ISY1: variants seen among roughly 807,000 people sequenced by gnomAD.
ISY1 encodes the protein pre-mRNA-splicing factor ISY1 homolog.
A neutral mutation model predicts 54.4 loss-of-function variants in ISY1; 12 were observed. The observed-to-expected ratio is 0.22, with a 90% confidence interval of 0.14 to 0.36. ISY1 has a LOEUF of 0.36. ISY1 is among the 10% of genes least tolerant of loss of function. The probability of loss-of-function intolerance (pLI) is 1.00; values close to 1 mark genes in which losing one functional copy is unlikely to be tolerated. For synonymous variants in ISY1, 96 were observed against 117.9 expected, an observed-to-expected ratio of 0.81 and a Z score of 1.20; for missense variants, 282 against 342.2, an observed-to-expected ratio of 0.82 and a Z score of 1.39.
In ISY1 at chr3:129,130,559, C is replaced by T; in HGVS notation, c.741G>A (p.Ser247=). 3 of 1,614,066 alleles carry T rather than the reference C, an allele frequency of 1.9e-6. No individual in the cohort carries two copies. Among genetic ancestry groups the T allele is most frequent in the Admixed American group, 1.7e-5 (1 of 59,996 alleles). Residue 247 remains serine (S), a synonymous_variant, in exon 10 of 11, where the codon TCG becomes TCA. Coordinates refer to ENST00000393295, the MANE Select transcript of ISY1 (RefSeq NM_020701.4). ...QKFIAHVPVP[S]QQEIEEALVR... The stretch of plus-strand genomic sequence containing the variant: ...TTAGCTGTGGTCCTACCTCTTGCTG[C>T]GAGGGAACAGGGACGTGAGCAATGA...
rs116044526 is a variant in ISY1, at chr3:129,160,747, G to T, written c.3+226C>A. ...TCAGGTTAACCTAAAGAGCTTCATC[G>T]GGATTAAGACACTGTCCAGGACAGT... On this transcript the variant is annotated intron_variant, in intron 1 of 10. Coordinates refer to ENST00000393295, the MANE Select transcript of ISY1 (RefSeq NM_020701.4). 1.7e-3 allele frequency among the ~76,000 whole-genome samples: 258 copies of T among 152,274 alleles called. 2 individuals carry two copies. The highest frequency in any genetic ancestry group is 6.0e-3 in the African/African-American group (250 of 41,546).
chr3:129,150,339 A>G (rs763023591), intron 5 of ISY1, among the ~76,000 whole-genome samples: 7 of 152,164 alleles, frequency 4.6e-5, no homozygotes, highest in Non-Finnish European at 1.0e-4. Flanking sequence ...CTCCCCATTC[A>G]TTCGGGTCTT....
chr3:129,140,452 T>G lies in ISY1; in HGVS notation c.334A>C (p.Lys112Gln). 1 of 1,613,110 alleles carries G rather than the reference T, an allele frequency of 6.2e-7. No individual in the cohort carries two copies. Residue 112 changes from lysine to glutamine, a missense_variant, in exon 7 of 11, where the codon AAA becomes CAA. By Grantham distance (53) the Lys-to-Gln change is moderately conservative (BLOSUM62 1). Coordinates refer to ENST00000393295, the MANE Select transcript of ISY1 (RefSeq NM_020701.4). ...TAACCTCGGTTTCCTGGGACTTCTT[T>G]TCCTTCATGATCCAGCATTTTAGGG... is the stretch of plus-strand genomic sequence containing the variant. ...VGPKMLDHEG[K>Q]EVPGNRGYKY...
intron 7 of ISY1, among the ~76,000 whole-genome samples, chr3:129,136,869 T>C (rs1936418342): frequency 1.3e-5 from 2 of 148,446 alleles, no homozygotes; most frequent in Non-Finnish European, 3.0e-5. Flanking sequence ...TTGTATTTTC[T>C]TCTTCTTTTT....
chr3:129,149,610 A>AAATATATAT (rs1936884507), intron 5 of ISY1, among the ~76,000 whole-genome samples: 1 of 24,628 alleles, frequency 4.1e-5, no homozygotes, highest in African/African-American at 1.2e-4. Flanking sequence ...AAAAAAAAAA[A>AAATATATAT]ATATATATAT....
chr3:129,142,943 T>TGAA (rs753669562), intron 6 of ISY1, among the ~76,000 whole-genome samples: 52 of 152,138 alleles, frequency 3.4e-4, no homozygotes, highest in Admixed American at 4.6e-4. Flanking sequence ...TAATCCCAGC[T>TGAA]ACTCTGGAGG....
intron 9 of ISY1, among the ~76,000 whole-genome samples, chr3:129,133,285 G>C (rs751493658): frequency 2.0e-5 from 3 of 152,158 alleles, no homozygotes; most frequent in Non-Finnish European, 4.4e-5. Flanking sequence ...CTATAAATCA[G>C]AAAATATGCA....
chr3:129,134,193 T>C lies in ISY1; in HGVS notation c.544A>G (p.Arg182Gly). The change falls in exon 9 of 11, where the codon AGA becomes GGA. Residue 182 changes from arginine (R) to glycine (G), a missense_variant and splice_region_variant. Transcript: ENST00000393295. Reference protein sequence around the residue: ...PLEQEYEKKLRAELVEKWKAE... With the variant: ...PLEQEYEKKLGAELVEKWKAE... ...TTCCACTTTTCCACTAACTCGGCTC[T>C]GACTGAACACAAGAGAGGGTAGGTG... The C allele has an allele frequency of 2.5e-6, 4 of 1,614,202 alleles. No homozygotes were observed. Among genetic ancestry groups the C allele is most frequent in the Non-Finnish European group, 3.4e-6 (4 of 1,180,038 alleles).
chr3:129,130,016 G>C lies in ISY1; in HGVS notation c.*65C>G. The C allele has an allele frequency of 7.7e-7, 1 of 1,293,530 alleles. No individual in the cohort carries two copies. The highest frequency in any genetic ancestry group is 1.5e-5 in the South Asian group (1 of 67,024). The allele number at this position is 1,293,530 out of a possible 1,614,324, so 80.1% of individuals were successfully genotyped here. A position where few individuals can be genotyped will look rare whatever the true frequency, so the allele number is the denominator to read the frequency against. The stretch of plus-strand genomic sequence containing the variant: ...GCCCTTGCAGCACCAGCCTGTGTCT[G>C]CAGCCCTGGGTCCTGAGGTACCACT... On this transcript the variant is annotated 3_prime_UTR_variant, in exon 11 of 11. Transcript: ENST00000393295.
chr3:129,158,198 G>T (rs1263217247), intron 3 of ISY1, among the ~76,000 whole-genome samples: 1 of 146,590 alleles, frequency 6.8e-6, no homozygotes, highest in Non-Finnish European at 1.5e-5. Context: ...GTGTCACCCA[G>T]GCTGGAGTGC....
At position 129,134,812 on chromosome 3, in the gene ISY1, T is replaced by A; in HGVS notation, c.541+20A>T. 6.3e-7 allele frequency: 1 copy of A among 1,593,284 alleles called. No homozygotes were observed. Among genetic ancestry groups the A allele is most frequent in the East Asian group, 2.3e-5 (1 of 43,882 alleles). On this transcript the variant is annotated intron_variant, in intron 8 of 10. Transcript: ENST00000393295. ...AAAACAGATGCCATCTATTATGAAA[T>A]AAAATGCCCAGAGACCTACGTTTCT...
intron 10 of ISY1, 138 bp from the exon 11 acceptor site, chr3:129,130,326 C>T: frequency 7.7e-7 from 1 of 1,301,770 alleles, no homozygotes; most frequent in Non-Finnish European, 1.0e-6. Flanking sequence ...TCCAAGAGTC[C>T]TAACTCCCTC....
rs1172990223 is a variant in ISY1, at chr3:129,129,571, T to C, written c.*510A>G. The C allele has an allele frequency of 6.6e-6, 1 of 152,192 alleles. No homozygotes were observed. Among genetic ancestry groups the C allele is most frequent in the African/African-American group, 2.4e-5 (1 of 41,408 alleles). The allele number at this position is 152,192 out of a possible 1,614,324, so 9.4% of individuals were successfully genotyped here. A position where few individuals can be genotyped will look rare whatever the true frequency, so the allele number is the denominator to read the frequency against. On this transcript the variant is annotated 3_prime_UTR_variant, in exon 11 of 11. Transcript: ENST00000393295. ...TTGTATTTTTAGTAGACATGGGGTT[T>C]CACCATGTTGGCCAGGATGGTCTCC...
intron 5 of ISY1, among the ~76,000 whole-genome samples, chr3:129,156,213 A>G (rs1937134402): frequency 6.6e-6 from 1 of 151,890 alleles, no homozygotes; most frequent in Non-Finnish European, 1.5e-5. Flanking sequence ...CCTGGCTAAC[A>G]TGGTGAAACC....
At chr3:129,160,193 T>C in intron 1 of ISY1, among the ~76,000 whole-genome samples, 1 of 152,160 alleles carries the variant, frequency 6.6e-6, no homozygotes, top group Admixed American at 6.5e-5. Flanking sequence ...CTCTTTTTCT[T>C]GGGAGCTTGT....
chr3:129,157,241 T>C (rs1359905359), intron 3 of ISY1, among the ~76,000 whole-genome samples: 1 of 151,918 alleles, frequency 6.6e-6, no homozygotes, highest in Non-Finnish European at 1.5e-5. Flanking sequence ...CAAACATACA[T>C]AAATATGGGT....
chr3:129,134,095 G>A lies in ISY1; in HGVS notation c.642C>T (p.Ile214=). The change falls in exon 9 of 11, where the codon ATC becomes ATT. Residue 214 remains isoleucine (I), a synonymous_variant. Transcript: ENST00000393295. Reference sequence around the variant, plus strand: ...ATACCTCCTCCTCGGTGACTGCATAGATGTTGATCTCTTCCTCCTCTTCCT... The same window carrying A: ...ATACCTCCTCCTCGGTGACTGCATAAATGTTGATCTCTTCCTCCTCTTCCT... The part of the protein sequence containing the change: ...EEEEEEEEIN[I]YAVTEEESDE... The A allele has an allele frequency of 1.2e-6, 2 of 1,614,176 alleles. No individual in the cohort carries two copies. The highest frequency in any genetic ancestry group is 8.5e-7 in the Non-Finnish European group (1 of 1,180,032).
intron 5 of ISY1, among the ~76,000 whole-genome samples, chr3:129,153,385 A>G (rs988895170): frequency 4.6e-5 from 7 of 152,216 alleles, no homozygotes; most frequent in African/African-American, 1.4e-4. Flanking sequence ...CAGTAGAATT[A>G]TTGACACTGT....
At chr3:129,151,423 G>C (rs910395590) in intron 5 of ISY1, among the ~76,000 whole-genome samples, 17 of 151,224 alleles carry the variant, frequency 1.1e-4, no homozygotes, top group Admixed American at 2.0e-4. Flanking sequence ...GAGGTTGGGA[G>C]TTCGAGACCA....
Sources: gnomAD v4.1 joint callset for allele counts (sites outside exome capture counted in the v4.1 genomes callset) on GRCh38, gnomAD v4.1.1 for gene constraint, MANE v1.5 for transcripts, NCBI Gene and HGNC (gene_info 2026-07-23, HGNC 2026-07-21) for gene names.